The following VPS35L variants were observed in gnomAD, a reference collection of about 807,000 sequenced individuals.
The protein encoded by VPS35L is VPS35 endosomal protein sorting factor like.
Under a neutral mutation model 133.0 loss-of-function variants are expected in VPS35L, and 83 were observed. The observed-to-expected ratio is 0.62, with a 90% CI of 0.52 to 0.75. The LOEUF (loss-of-function observed/expected upper bound fraction) is 0.75, where lower values mean the gene tolerates loss of function less well. Among genes scored for constraint, VPS35L ranks in the 30% least tolerant of loss-of-function variants. VPS35L has a pLI of 0.00. For synonymous variants in VPS35L, 423 were observed against 449.9 expected (o/e 0.94, Z 0.76); for missense variants, 1,083 against 1,206.8 (o/e 0.90, Z 1.52).
intron 12 of VPS35L, among the ~76,000 whole-genome samples, chr16:19,611,341 G>C (rs562708245): frequency 6.6e-6 from 1 of 152,232 alleles, no homozygotes; most frequent in East Asian, 1.9e-4. Context: ...TCACACAGGG[G>C]CTTTGCCTCT....
intron 18 of VPS35L, among the ~76,000 whole-genome samples, chr16:19,632,321 C>A (rs750020798): frequency 1.3e-5 from 2 of 152,132 alleles, no homozygotes; most frequent in African/African-American, 2.4e-5. Flanking sequence ...CCCCAATTGT[C>A]TCATTTTTTT....
intron 29 of VPS35L, among the ~76,000 whole-genome samples, chr16:19,692,529 C>G (rs1387387371): frequency 2.0e-5 from 3 of 152,088 alleles, no homozygotes; most frequent in South Asian, 2.1e-4. Flanking sequence ...CTACATTGCC[C>G]TCCTCAACCA....
chr16:19,669,488 G>C (rs757250415), intron 27 of VPS35L, among the ~76,000 whole-genome samples, 189 bp downstream of exon 27: 26 of 152,044 alleles, frequency 1.7e-4, no homozygotes, highest in Non-Finnish European at 3.5e-4. Context: ...TATAATAGTA[G>C]AGGTGAGGTA....
chr16:19,678,607 A>G (rs1032579564), intron 27 of VPS35L, among the ~76,000 whole-genome samples: 2 of 151,650 alleles, frequency 1.3e-5, no homozygotes, highest in Non-Finnish European at 2.9e-5. Flanking sequence ...CCTCCCAAGT[A>G]TCTGGGACTA....
intron 1 of VPS35L, among the ~76,000 whole-genome samples, chr16:19,560,855 T>C (rs563941261): frequency 1.8e-3 from 268 of 151,922 alleles, no homozygotes; most frequent in African/African-American, 6.3e-3. Context: ...AACTCCATCT[T>C]GACTGTTGAT....
At chr16:19,567,903 G>A (rs1378525921) in intron 2 of VPS35L, among the ~76,000 whole-genome samples, 3 of 151,540 alleles carry the variant, frequency 2.0e-5, no homozygotes, top group East Asian at 3.9e-4. Context: ...CCAGGATGTC[G>A]AGGGTACAGT....
intron 9 of VPS35L, among the ~76,000 whole-genome samples, chr16:19,603,612 A>G (rs1972454962): frequency 1.3e-5 from 2 of 152,040 alleles, no homozygotes; most frequent in Admixed American, 6.6e-5. Context: ...AGCTCCTCCT[A>G]TGTTCTGGCC....
In VPS35L at chr16:19,589,357, C is replaced by T. The variant is rs556395491; in HGVS notation, c.640-2433C>T. On this transcript the variant is annotated intron_variant, in intron 7 of 30. Coordinates refer to ENST00000417362, the MANE Select transcript of VPS35L (RefSeq NM_020314.7). ...TTCCCTCGCTCAAGTGATTCTCCCA[C>T]CTCAGCCTCCTGAGTAGTTAGGGCT... 1.6e-4 allele frequency among the ~76,000 whole-genome samples: 25 copies of T among 152,276 alleles called. No individual in the cohort carries two copies. The South Asian group carries it at 5.2e-3, about 32-fold the overall frequency.
intron 22 of VPS35L, 142 bp from the exon 23 acceptor site, chr16:19,644,744 T>C: frequency 2.0e-6 from 1 of 489,532 alleles, no homozygotes; most frequent in Non-Finnish European, 3.6e-6. Context: ...AAAGGAAAAA[T>C]AAGCAGCCTG....
At chr16:19,671,408 G>A (rs563110413) in intron 27 of VPS35L, among the ~76,000 whole-genome samples, 5 of 151,086 alleles carry the variant, frequency 3.3e-5, no homozygotes, top group Middle Eastern at 3.4e-3. Context: ...GGCGGAGGTT[G>A]CAGTGAGCCG....
At chr16:19,623,141 G>A (rs756655320) in intron 14 of VPS35L, among the ~76,000 whole-genome samples, 1 of 152,172 alleles carries the variant, frequency 6.6e-6, no homozygotes, top group Non-Finnish European at 1.5e-5. Flanking sequence ...TGGATCATGG[G>A]CAAGGGGAAC....
intron 14 of VPS35L, among the ~76,000 whole-genome samples, chr16:19,622,140 CTTTT>C (rs60521137): frequency 1.9e-5 from 2 of 107,918 alleles, no homozygotes; most frequent in African/African-American, 3.4e-5. Flanking sequence ...CCATGTATAT[CTTTT>C]TTTTTTTTTT....
At chr16:19,679,993 T>C (rs1339452424) in intron 27 of VPS35L, among the ~76,000 whole-genome samples, 1 of 152,222 alleles carries the variant, frequency 6.6e-6, no homozygotes, top group Non-Finnish European at 1.5e-5. Context: ...TGCCTCCCCC[T>C]GTTCACAAGT....
intron 26 of VPS35L, among the ~76,000 whole-genome samples, chr16:19,658,291 A>G (rs1974369125): frequency 6.6e-6 from 1 of 152,158 alleles, no homozygotes; most frequent in African/African-American, 2.4e-5. Flanking sequence ...GCACTTTGGG[A>G]GGCCGAAGTG....
intron 6 of VPS35L, 67 bp downstream of exon 6, chr16:19,579,195 A>G: frequency 7.0e-7 from 1 of 1,421,340 alleles, no homozygotes; most frequent in Non-Finnish European, 9.8e-7. Flanking sequence ...AAGTGAGATC[A>G]ACCTCGGTGG....
chr16:19,694,652 G>C (rs1975838883), intron 29 of VPS35L, among the ~76,000 whole-genome samples: 1 of 151,780 alleles, frequency 6.6e-6, no homozygotes. Flanking sequence ...ACCACACCCA[G>C]CTAAGTTCTT....
chr16:19,580,782 A>C (rs927584336), intron 6 of VPS35L, among the ~76,000 whole-genome samples: 1 of 152,114 alleles, frequency 6.6e-6, no homozygotes, highest in African/African-American at 2.4e-5. Flanking sequence ...GCCATTCCTG[A>C]TCCCCCCATC....
chr16:19,570,124 G>A (rs1971316119), intron 3 of VPS35L, among the ~76,000 whole-genome samples: 1 of 151,892 alleles, frequency 6.6e-6, no homozygotes, highest in Non-Finnish European at 1.5e-5. Flanking sequence ...AAACTGGAGT[G>A]CAGTGGTGCA....
chr16:19,572,512 A>G (rs1224966213), intron 3 of VPS35L, among the ~76,000 whole-genome samples: 1 of 152,160 alleles, frequency 6.6e-6, no homozygotes, highest in African/African-American at 2.4e-5. Flanking sequence ...TCCACCAGTG[A>G]TGTTGAAGAG....
Sources: allele counts gnomAD v4.1 joint callset (sites outside exome capture counted in the v4.1 genomes callset), GRCh38; gene constraint gnomAD v4.1.1; transcripts MANE v1.5; gene names NCBI Gene and HGNC (gene_info 2026-07-23, HGNC 2026-07-21).